The following KIFC3 variants were observed in gnomAD, a reference collection of about 807,000 sequenced individuals.
KIFC3 encodes kinesin family member C3, also known as kinesin-like protein KIFC3.
Under a neutral mutation model 101.8 loss-of-function variants are expected in KIFC3, and 60 were observed. The ratio of observed to expected loss-of-function variants is 0.59; its 90% confidence interval spans 0.48 to 0.73. The LOEUF (loss-of-function observed/expected upper bound fraction) is 0.73, where lower values mean the gene tolerates loss of function less well. Among genes scored for constraint, KIFC3 ranks in the 30% least tolerant of loss-of-function variants. The pLI, the probability that KIFC3 is intolerant of heterozygous loss-of-function variation, is 0.00. For synonymous variants in KIFC3, 476 were observed against 482.7 expected (o/e 0.99, Z 0.18); for missense variants, 966 against 1,137.1 (o/e 0.85, Z 2.16).
In KIFC3 at chr16:57,783,402, G is replaced by A. The variant is rs561007693; in HGVS notation, c.316-11114C>T. Among the ~76,000 whole-genome samples the A allele has an allele frequency of 8.5e-4, 129 of 151,586 alleles. 1 individual carries two copies. Among genetic ancestry groups the A allele is most frequent in the African/African-American group, 3.0e-3 (124 of 41,246 alleles). ...CTTAATATACTTACCACCGACCACC[G>A]AATTGTACACCTTCAAGGGGAGAAT... On this transcript the variant is annotated intron_variant, in intron 3 of 19. Coordinates refer to ENST00000445690, the MANE Select transcript of KIFC3 (RefSeq NM_001130100.2).
chr16:57,811,776 C>A (rs2055080085), intron 1 of KIFC3, among the ~76,000 whole-genome samples: 1 of 151,812 alleles, frequency 6.6e-6, no homozygotes, highest in Non-Finnish European at 1.5e-5. Flanking sequence ...ATTAGCCGGG[C>A]ATGGTGGCAT....
chr16:57,797,074 G>A (rs2054385194), intron 2 of KIFC3, among the ~76,000 whole-genome samples: 7 of 152,214 alleles, frequency 4.6e-5, no homozygotes, highest in Admixed American at 4.6e-4. Flanking sequence ...CATAGAAGCA[G>A]AGAGACCTCG....
At chr16:57,766,337 C>A (rs937597844) in intron 10 of KIFC3, among the ~76,000 whole-genome samples, 1 of 152,232 alleles carries the variant, frequency 6.6e-6, no homozygotes, top group Non-Finnish European at 1.5e-5. Flanking sequence ...TTGCCTGTCC[C>A]ATACCCAGGA....
upstream of KIFC3, chr16:57,803,235 A>C (rs1268032719): frequency 1.4e-6 from 1 of 706,002 alleles, no homozygotes; most frequent in East Asian, 2.7e-5. Flanking sequence ...CTACTGGGGC[A>C]CCTAGAGCCT....
intron 9 of KIFC3, 81 bp from the exon 10 acceptor site, chr16:57,767,066 C>T (rs534570975): frequency 3.7e-6 from 4 of 1,076,006 alleles, no homozygotes; most frequent in Non-Finnish European, 5.6e-6. Flanking sequence ...GAGGGGTGCT[C>T]ACTGCCTCCT....
In KIFC3 at chr16:57,770,520, T is replaced by G. The variant is rs782319886; in HGVS notation, c.939+7A>C. ...GCTGGGCATGTGCCCCCACACAGCC[T>G]GGGTACCTGCGCCCGGAGCCGCGCG... On this transcript the variant is annotated splice_region_variant and intron_variant, in intron 7 of 19. Transcript: ENST00000445690. The G allele has an allele frequency of 5.5e-5, 78 of 1,409,682 alleles. No homozygotes were observed. The South Asian group carries it at 1.1e-3, about 20-fold the overall frequency. 87.3% of individuals were successfully genotyped at this position (1,409,682 alleles called of 1,614,324 possible).
intron 1 of KIFC3, among the ~76,000 whole-genome samples, chr16:57,853,795 A>C (rs1269383604): frequency 2.0e-5 from 3 of 151,338 alleles, no homozygotes; most frequent in Admixed American, 2.0e-4. Flanking sequence ...CCATACCCGG[A>C]TAATTTTTTG....
intron 1 of KIFC3, among the ~76,000 whole-genome samples, chr16:57,853,973 G>A (rs900620656): frequency 7.9e-5 from 12 of 151,778 alleles, no homozygotes; most frequent in South Asian, 2.1e-4. Flanking sequence ...ACTGGGTCTC[G>A]TTCTGCCACC....
chr16:57,838,616 C>G (rs1301582289), intron 1 of KIFC3, among the ~76,000 whole-genome samples: 1 of 152,206 alleles, frequency 6.6e-6, no homozygotes, highest in Non-Finnish European at 1.5e-5. Context: ...GAAAATATTG[C>G]TTTGGGACTT....
chr16:57,810,279 C>T (rs539361544), intron 1 of KIFC3, among the ~76,000 whole-genome samples: 1 of 152,360 alleles, frequency 6.6e-6, no homozygotes, highest in South Asian at 2.1e-4. Flanking sequence ...GCCACAGCCC[C>T]TGACCACCTG....
intron 3 of KIFC3, among the ~76,000 whole-genome samples, chr16:57,791,321 C>T (rs556936462): frequency 6.6e-6 from 1 of 152,226 alleles, no homozygotes; most frequent in Non-Finnish European, 1.5e-5. Context: ...TGAGCCATGG[C>T]GGCAAGGACA....
intron 3 of KIFC3, 84 bp from the exon 4 acceptor site, chr16:57,772,372 G>A (rs1555609412): frequency 1.7e-6 from 2 of 1,168,448 alleles, no homozygotes. Context: ...CACCAGGGAT[G>A]ACTGATGTGG....
chr16:57,800,290 G>A (rs1392815243), intron 1 of KIFC3, among the ~76,000 whole-genome samples: 2 of 152,142 alleles, frequency 1.3e-5, no homozygotes, highest in East Asian at 1.9e-4. Flanking sequence ...AGTCTTACTG[G>A]GAAGGGGATG....
chr16:57,813,389 G>A (rs1405645937), intron 1 of KIFC3, among the ~76,000 whole-genome samples: 1 of 151,578 alleles, frequency 6.6e-6, no homozygotes, highest in Non-Finnish European at 1.5e-5. Context: ...AGGAAAAGGA[G>A]AAGCCAGAGG....
intron 3 of KIFC3, chr16:57,774,005 C>A (rs1433468273): frequency 6.6e-6 from 1 of 152,410 alleles, no homozygotes; most frequent in African/African-American, 2.4e-5. Context: ...AGATGCAAGA[C>A]CCAGGTGAAA....
chr16:57,862,161 C>T (rs1485993869), intron 1 of KIFC3, among the ~76,000 whole-genome samples: 7 of 148,444 alleles, frequency 4.7e-5, no homozygotes, highest in Non-Finnish European at 1.0e-4. Flanking sequence ...TCCTGAGTAG[C>T]TGGGGCTACA....
At chr16:57,849,238 CAGT>C (rs1178564041) in intron 1 of KIFC3, among the ~76,000 whole-genome samples, 15 of 152,146 alleles carry the variant, frequency 9.9e-5, no homozygotes, top group African/African-American at 3.1e-4. Flanking sequence ...TTGGTGATCT[CAGT>C]AGAAAGGGTA....
At chr16:57,857,889 C>T (rs57937749) in intron 1 of KIFC3, among the ~76,000 whole-genome samples, 24,132 of 134,208 alleles carry the variant, frequency 0.18, 2,391 homozygotes, top group East Asian at 0.32. Flanking sequence ...TGCAGTGGCA[C>T]GATCTCGGCT....
chr16:57,758,680 C>T lies in KIFC3; in HGVS notation c.*254G>A. 2 of 715,850 alleles carry T rather than the reference C, an allele frequency of 2.8e-6. No individual in the cohort carries two copies. The highest frequency in any genetic ancestry group is 5.0e-6 in the Non-Finnish European group (2 of 397,818). 44.3% of individuals were successfully genotyped at this position (715,850 alleles called of 1,614,324 possible). A position where few individuals can be genotyped will look rare whatever the true frequency, so the allele number is the denominator to read the frequency against. On this transcript the variant is annotated 3_prime_UTR_variant, in exon 20 of 20. Transcript: ENST00000445690. ...GGCCCAGGCCTGCCAGGAAGAGCAG[C>T]CACCCCCGCCTTTCCGCCCATGCAA...
Sources: gnomAD v4.1 joint callset for allele counts (sites outside exome capture counted in the v4.1 genomes callset) on GRCh38, gnomAD v4.1.1 for gene constraint, MANE v1.5 for transcripts, NCBI Gene and HGNC (gene_info 2026-07-23, HGNC 2026-07-21) for gene names.